The following SYCP3 variants were observed in gnomAD, a reference collection of about 807,000 sequenced individuals.
SYCP3 encodes synaptonemal complex protein 3.
In SYCP3, 29 loss-of-function variants were observed where a neutral mutation model predicts 38.5. The observed-to-expected ratio is 0.75, with a 90% confidence interval of 0.56 to 1.03. The LOEUF is 1.03. Ranked by LOEUF, SYCP3 falls within the 50% of genes least tolerant of loss-of-function variation. The pLI is 0.00. For synonymous variants in SYCP3, 79 were observed against 80.3 expected, an observed-to-expected ratio of 0.98 and a Z score of 0.08; for missense variants, 242 against 270.7, an observed-to-expected ratio of 0.89 and a Z score of 0.74.
Position 101,733,682 on chromosome 12 carries a change from A to G in SYCP3, c.354-8T>C. On this transcript the variant is annotated splice_polypyrimidine_tract_variant and splice_region_variant and intron_variant, in intron 5 of 8. Transcript: ENST00000392924. ...TCTTGGTTAAGCTTCTGCCTGTAAA[A>G]CATAATGATGAATTATTGTCATATT... 1 of 1,607,062 alleles carries G rather than the reference A, an allele frequency of 6.2e-7. No individual in the cohort carries two copies. The highest frequency in any genetic ancestry group is 1.1e-5 in the South Asian group (1 of 91,048).
chr12:101,730,375 TTATC>T (rs1246658740), intron 7 of SYCP3: 8 of 356,488 alleles, frequency 2.2e-5, no homozygotes, highest in African/African-American at 6.7e-5. Context: ...GAAGAAATCT[TTATC>T]TAGTACTTTA....
intron 6 of SYCP3, 96 bp from the exon 7 acceptor site, chr12:101,731,762 T>C: frequency 1.1e-6 from 1 of 884,670 alleles, no homozygotes; most frequent in South Asian, 1.9e-5. Context: ...AAAGAAAGTG[T>C]TAAAAATCAA....
intron 4 of SYCP3, among the ~76,000 whole-genome samples, chr12:101,736,070 G>GT (rs1566056069): frequency 6.6e-6 from 1 of 150,884 alleles, no homozygotes; most frequent in African/African-American, 2.4e-5. Context: ...AAAAATCTTA[G>GT]TTTAAGTAAA....
At chr12:101,735,373 T>G (rs1952360836) in intron 4 of SYCP3, among the ~76,000 whole-genome samples, 1 of 152,126 alleles carries the variant, frequency 6.6e-6, no homozygotes, top group African/African-American at 2.4e-5. Flanking sequence ...TAATAAAGGC[T>G]AAATGTAGGC....
At chr12:101,737,416 T>A in intron 2 of SYCP3, 118 bp from the exon 3 acceptor site, 3 of 962,498 alleles carry the variant, frequency 3.1e-6, no homozygotes, top group Non-Finnish European at 4.7e-6. Context: ...AACATACAGT[T>A]TCAAAGCAGA....
Position 101,739,433 on chromosome 12 carries a change from C to T in SYCP3, c.-100G>A. On this transcript the variant is annotated 5_prime_UTR_variant, in exon 1 of 9. Transcript: ENST00000392924. ...CAACTCCTCCACAAGCGCGCTTCAC[C>T]TGAGGTGGCCCCTTCTCCGCGACGC... 7.0e-6 allele frequency: 7 copies of T among 1,002,702 alleles called. No homozygotes were observed. The highest frequency in any genetic ancestry group is 8.4e-6 in the Non-Finnish European group (7 of 830,328). The allele number at this position is 1,002,702 out of a possible 1,614,324, so 62.1% of individuals were successfully genotyped here. A position where few individuals can be genotyped will look rare whatever the true frequency, so the allele number is the denominator to read the frequency against.
chr12:101,736,804 T>C (rs1257989059), intron 4 of SYCP3, among the ~76,000 whole-genome samples: 1 of 151,828 alleles, frequency 6.6e-6, no homozygotes, highest in Non-Finnish European at 1.5e-5. Flanking sequence ...TCTTCTAAAA[T>C]TCCATAGTCC....
At chr12:101,733,514 G>A in intron 6 of SYCP3, 61 bp downstream of exon 6, 1 of 1,440,832 alleles carries the variant, frequency 6.9e-7, no homozygotes, top group African/African-American at 1.4e-5. Flanking sequence ...CACAATAAAA[G>A]GCTAGGTTGT....
intron 1 of SYCP3, among the ~76,000 whole-genome samples, chr12:101,738,611 C>G (rs980356781): frequency 2.0e-5 from 3 of 152,144 alleles, no homozygotes; most frequent in Non-Finnish European, 4.4e-5. Flanking sequence ...TGGCGGGTGC[C>G]TATGATCTCA....
At chr12:101,733,439 C>T (rs1952266619) in intron 6 of SYCP3, 136 bp downstream of exon 6, 6 of 750,344 alleles carry the variant, frequency 8.0e-6, no homozygotes, top group Non-Finnish European at 1.4e-5. Context: ...CTGTGGTTTA[C>T]AGTTCAGTAG....
intron 1 of SYCP3, among the ~76,000 whole-genome samples, chr12:101,738,273 A>C (rs377546796): frequency 4.0e-4 from 60 of 150,812 alleles, no homozygotes; most frequent in Middle Eastern, 3.4e-3. Flanking sequence ...AAAAAAAAAA[A>C]CAAAATTAAC....
At position 101,735,871 on chromosome 12, in the gene SYCP3, A is replaced by ATATATTT; in HGVS notation, c.236-828_236-827insAAATATA. Among the ~76,000 whole-genome samples the ATATATTT allele has an allele frequency of 1.1e-4, 8 of 74,788 alleles. No individual in the cohort carries two copies. In the East Asian group the frequency reaches 1.1e-3, roughly 11 times the overall value. The allele number at this position is 74,788 out of a possible 152,430, so 49.1% of individuals were successfully genotyped here. ...CAATTTTATATATATATATATATAT[A>ATATATTT]TTTTTTTTTTTTTAAAGACACGGGG... On this transcript the variant is annotated intron_variant, in intron 4 of 8. Transcript: ENST00000392924.
At chr12:101,739,182 CCGCTTT>C in intron 1 of SYCP3, 163 bp downstream of exon 1, 1 of 786,064 alleles carries the variant, frequency 1.3e-6, no homozygotes, top group Non-Finnish European at 1.5e-6. Context: ...CCCAGCCCGC[CCGCTTT>C]CCACTAGGCC....
chr12:101,737,721 A>G, intron 2 of SYCP3, 82 bp downstream of exon 2: 1 of 1,600,442 alleles, frequency 6.2e-7, no homozygotes. Context: ...AATGCTTTAC[A>G]AACTAAGTTG....
chr12:101,733,307 C>A, intron 6 of SYCP3: 1 of 412,824 alleles, frequency 2.4e-6, no homozygotes. Flanking sequence ...TAAACTGCCC[C>A]GACTTCTTTT....
chr12:101,734,905 A>G (rs1397099373), intron 5 of SYCP3, 22 bp downstream of exon 5: 1 of 1,295,662 alleles, frequency 7.7e-7, no homozygotes, highest in Non-Finnish European at 1.1e-6. Context: ...ATGTGGCTCT[A>G]AAAAAAAAGC....
chr12:101,737,370 A>C (rs1858347231), intron 2 of SYCP3, 72 bp from the exon 3 acceptor site: 2 of 1,376,140 alleles, frequency 1.5e-6, no homozygotes, highest in Non-Finnish European at 2.0e-6. Context: ...AATTTTAATG[A>C]AACATCTTCA....
At chr12:101,735,871 A>ATATATATATTTTTTTTTTTTTTTT in intron 4 of SYCP3, among the ~76,000 whole-genome samples, 3 of 74,758 alleles carry the variant, frequency 4.0e-5, no homozygotes, top group Non-Finnish European at 5.0e-5. Flanking sequence ...ATATATATAT[A>ATATATATATTTTTTTTTTTTTTTT]TTTTTTTTTT....
At chr12:101,735,851 TTA>T (rs1157750107) in intron 4 of SYCP3, among the ~76,000 whole-genome samples, 16 of 96,062 alleles carry the variant, frequency 1.7e-4, no homozygotes, top group South Asian at 6.7e-4. Context: ...ATAATCAATT[TTA>T]TATATATATA....
Sources: allele counts gnomAD v4.1 joint callset (sites outside exome capture counted in the v4.1 genomes callset), GRCh38; gene constraint gnomAD v4.1.1; transcripts MANE v1.5; gene names NCBI Gene and HGNC (gene_info 2026-07-23, HGNC 2026-07-21).